The following BRD4 variants were observed in gnomAD, a reference collection of about 807,000 sequenced individuals.
BRD4 encodes bromodomain-containing protein 4.
In BRD4, 16 loss-of-function variants were observed where a neutral mutation model predicts 142.1. That is an observed-to-expected ratio of 0.11 (90% CI 0.08 to 0.17). BRD4 has a LOEUF of 0.17. Among genes scored for constraint, BRD4 ranks in the 10% least tolerant of loss-of-function variants. The pLI is 1.00. For synonymous variants in BRD4, 833 were observed against 707.5 expected, an observed-to-expected ratio of 1.18 and a Z score of -2.82; for missense variants, 1,424 against 1,810.9, an observed-to-expected ratio of 0.79 and a Z score of 3.88.
intron 7 of BRD4, among the ~76,000 whole-genome samples, chr19:15,258,126 T>C (rs2047432557): frequency 6.6e-6 from 1 of 152,168 alleles, no homozygotes. Flanking sequence ...CTGATCATCG[T>C]GGAAACACAC....
At chr19:15,316,807 T>A (rs2048022039) in intron 1 of BRD4, among the ~76,000 whole-genome samples, 1 of 152,158 alleles carries the variant, frequency 6.6e-6, no homozygotes, top group Non-Finnish European at 1.5e-5. Flanking sequence ...CTTCTGATCA[T>A]CCCCTCACAC....
chr19:15,263,619 CG>C, intron 6 of BRD4, 71 bp from the exon 7 acceptor site: 1 of 1,588,232 alleles, frequency 6.3e-7, no homozygotes, highest in Non-Finnish European at 8.6e-7. Context: ...TGGCAGCAGA[CG>C]AAAGGGATGC....
intron 1 of BRD4, among the ~76,000 whole-genome samples, chr19:15,324,013 C>T (rs1004513775): frequency 6.6e-6 from 1 of 152,140 alleles, no homozygotes; most frequent in Non-Finnish European, 1.5e-5. Context: ...CTTATGGAGA[C>T]GATGTAACTC....
At position 15,255,199 on chromosome 19, in the gene BRD4, A is replaced by AG. The variant is rs71333363; in HGVS notation, c.2047+97dup. On this transcript the variant is annotated intron_variant, in intron 10 of 19. Transcript: ENST00000679869. ...CAGATATTATAATTGGAAAAAAAAA[A>AG]GGGGGGGGGCGCAGAAAGAGTGGAC... The AG allele has an allele frequency of 0.21, 223,373 of 1,057,704 alleles. 15,670 individuals are homozygous for AG. The highest frequency in any genetic ancestry group is 0.24 in the Middle Eastern group (780 of 3,288). The allele number at this position is 1,057,704 out of a possible 1,614,324, so 65.5% of individuals were successfully genotyped here.
chr19:15,253,151 T>C (rs564849176), intron 11 of BRD4: 132 of 289,580 alleles, frequency 4.6e-4, no homozygotes, highest in Non-Finnish European at 6.8e-4. Flanking sequence ...TCTCAGGTGG[T>C]CTGCAGCACG....
intron 1 of BRD4, among the ~76,000 whole-genome samples, chr19:15,314,867 A>C (rs1460941680): frequency 6.6e-6 from 1 of 152,134 alleles, no homozygotes; most frequent in Non-Finnish European, 1.5e-5. Flanking sequence ...TAAAATAAGT[A>C]AGGTCTAGAC....
intron 1 of BRD4, among the ~76,000 whole-genome samples, chr19:15,281,112 C>T (rs555375991): frequency 1.1e-4 from 16 of 152,324 alleles, no homozygotes; most frequent in African/African-American, 3.4e-4. Context: ...GTGAGAACAG[C>T]GCTCGTGTCA....
chr19:15,239,377 G>A lies in BRD4; in HGVS notation c.3576+15C>T, dbSNP rs1270126792. The A allele has an allele frequency of 1.9e-6, 3 of 1,614,050 alleles. No individual in the cohort carries two copies. Among genetic ancestry groups the A allele is most frequent in the Admixed American group, 3.3e-5 (2 of 60,012 alleles). ...GGCCAAGGGGCAAGCGACACCCATGGACCTCCATCCCAACCTTTTTGGGCG... is the reference window on the plus strand; with the variant it reads ...GGCCAAGGGGCAAGCGACACCCATGAACCTCCATCCCAACCTTTTTGGGCG... On this transcript the variant is annotated intron_variant, in intron 17 of 19. Transcript: ENST00000679869. This position sits in a 1 kb window ranked among gnomAD's most constrained non-coding sequence, Gnocchi z 7.4.
chr19:15,288,176 G>A (rs1211787824), intron 1 of BRD4, among the ~76,000 whole-genome samples: 1 of 152,176 alleles, frequency 6.6e-6, no homozygotes, highest in African/African-American at 2.4e-5. Context: ...ACTGTGTATA[G>A]GGCTGCTATG....
At chr19:15,310,213 CT>C (rs34519343) in intron 1 of BRD4, among the ~76,000 whole-genome samples, 190 of 122,396 alleles carry the variant, frequency 1.6e-3, no homozygotes, top group East Asian at 8.1e-3. Context: ...TTAAACAGTC[CT>C]TTTTTTTTTT....
At chr19:15,253,917 G>T in intron 11 of BRD4, 1 of 811,846 alleles carries the variant, frequency 1.2e-6, no homozygotes, top group Non-Finnish European at 1.9e-6. Flanking sequence ...TCCATGACCA[G>T]ACCCTGGCAG....
intron 14 of BRD4, among the ~76,000 whole-genome samples, chr19:15,240,731 G>A (rs576256647): frequency 1.3e-5 from 2 of 152,348 alleles, no homozygotes; most frequent in Admixed American, 1.3e-4. Context: ...CAGTGAGCCA[G>A]CACCTCGGGA....
At chr19:15,283,779 AAGC>A (rs1285274870) in intron 1 of BRD4, among the ~76,000 whole-genome samples, 2 of 152,182 alleles carry the variant, frequency 1.3e-5, no homozygotes, top group African/African-American at 2.4e-5. Context: ...TTTCTTCTCA[AAGC>A]AGCAGAGCAG....
intron 1 of BRD4, among the ~76,000 whole-genome samples, chr19:15,304,313 C>T (rs1330353506): frequency 6.6e-6 from 1 of 152,216 alleles, no homozygotes; most frequent in African/African-American, 2.4e-5. Context: ...GCTGAGCTCA[C>T]TCAGTGCCTC....
intron 11 of BRD4, chr19:15,248,854 T>C (rs769186154): frequency 3.3e-5 from 10 of 307,430 alleles, no homozygotes; most frequent in Non-Finnish European, 6.1e-5. Context: ...AGGAGGGAAG[T>C]AGTTAGGGTC....
intron 1 of BRD4, among the ~76,000 whole-genome samples, chr19:15,289,670 A>G (rs568753059): frequency 2.7e-5 from 4 of 150,492 alleles, no homozygotes; most frequent in Admixed American, 6.6e-5. Context: ...TGATCCAAAA[A>G]AAAAAAGAAA....
Position 15,265,598 on chromosome 19 carries a change from G to C in BRD4, c.605C>G (p.Ala202Gly). Residue 202 changes from alanine to glycine, a missense_variant, in exon 5 of 20, where the codon GCA (alanine) becomes GGA (glycine). By Grantham distance (60) the Ala-to-Gly change is moderately conservative. Transcript: ENST00000679869. ...GGTCTGGGTCTGCGGAGGAGTCGAT[G>C]CTTGAGTTGTGTTTGGTACCGTGGA... The part of the protein sequence containing the change: ...GVSTVPNTTQ[A>G]STPPQTQTPQ... 6.2e-7 allele frequency: 1 copy of C among 1,614,188 alleles called. No individual in the cohort carries two copies. The highest frequency in any genetic ancestry group is 8.5e-7 in the Non-Finnish European group (1 of 1,180,036).
intron 7 of BRD4, 80 bp from the exon 8 acceptor site, chr19:15,257,253 G>A (rs1420150714): frequency 1.4e-5 from 19 of 1,354,276 alleles, no homozygotes; most frequent in Non-Finnish European, 1.7e-5. Flanking sequence ...ATTGGCTGCT[G>A]GGGCCAACTC....
intron 1 of BRD4, among the ~76,000 whole-genome samples, chr19:15,307,592 T>G (rs2047925041): frequency 6.6e-6 from 1 of 152,140 alleles, no homozygotes; most frequent in Non-Finnish European, 1.5e-5. Flanking sequence ...TGAGTCTATC[T>G]CATGCCCTTT....
Sources: allele counts gnomAD v4.1 joint callset (sites outside exome capture counted in the v4.1 genomes callset), GRCh38; gene constraint gnomAD v4.1.1; non-coding constraint Gnocchi (gnomAD v3.1); transcripts MANE v1.5; gene names NCBI Gene and HGNC (gene_info 2026-07-23, HGNC 2026-07-21).